Variants in PLXDC2 observed in about 807,000 individuals in gnomAD.
The protein encoded by PLXDC2 is plexin domain-containing protein 2.
In PLXDC2, 40 loss-of-function variants were observed where a neutral mutation model predicts 68.9. The ratio of observed to expected loss-of-function variants is 0.58; its 90% CI spans 0.45 to 0.76. The LOEUF (loss-of-function observed/expected upper bound fraction) is 0.76. PLXDC2 is among the 30% of genes least tolerant of loss of function. The pLI, the probability that PLXDC2 is intolerant of heterozygous loss-of-function variation, is 0.00. For missense variants in PLXDC2, 644 were observed against 661.9 expected (o/e 0.97, Z 0.30); for synonymous variants, 243 against 234.2 (o/e 1.04, Z -0.34).
chr10:20,117,046 A>G (rs547025024), intron 4 of PLXDC2, among the ~76,000 whole-genome samples: 2,598 of 108,638 alleles, frequency 0.024, 74 homozygotes, highest in African/African-American at 0.093. Context: ...AAATCCCTTA[A>G]AAATGAAAAA....
chr10:19,971,725 T>C (rs1447563415), intron 1 of PLXDC2, among the ~76,000 whole-genome samples: 1 of 152,204 alleles, frequency 6.6e-6, no homozygotes, highest in Non-Finnish European at 1.5e-5. Context: ...AAACATTTAT[T>C]AAACTCCTTT....
chr10:19,929,595 A>T (rs1564631423), intron 1 of PLXDC2, among the ~76,000 whole-genome samples: 1 of 152,174 alleles, frequency 6.6e-6, no homozygotes, highest in Non-Finnish European at 1.5e-5. Context: ...CTATTTGTAC[A>T]CGTGCCAACA....
intron 4 of PLXDC2, among the ~76,000 whole-genome samples, chr10:20,130,956 C>T (rs892739995): frequency 3.3e-5 from 5 of 152,046 alleles, no homozygotes; most frequent in South Asian, 2.1e-4. Flanking sequence ...GTAACGTTTT[C>T]GTCTGACTTT....
chr10:19,865,526 C>T (rs1419807384), intron 1 of PLXDC2, among the ~76,000 whole-genome samples: 1 of 152,066 alleles, frequency 6.6e-6, no homozygotes, highest in Admixed American at 6.6e-5. Flanking sequence ...TATGTCTTTC[C>T]TACGTCATTA....
intron 6 of PLXDC2, among the ~76,000 whole-genome samples, chr10:20,158,386 A>G (rs1017071041): frequency 2.7e-5 from 4 of 148,870 alleles, no homozygotes; most frequent in African/African-American, 9.8e-5. Flanking sequence ...CTAAATAGCT[A>G]TACTTCTAAA....
At chr10:20,183,494 AG>A (rs1834635221) in intron 9 of PLXDC2, among the ~76,000 whole-genome samples, 1 of 152,002 alleles carries the variant, frequency 6.6e-6, no homozygotes, top group East Asian at 1.9e-4. Context: ...ACAAGTGAAG[AG>A]GGAGAGACAT....
At chr10:20,056,233 T>C (rs954299665) in intron 3 of PLXDC2, among the ~76,000 whole-genome samples, 1 of 152,232 alleles carries the variant, frequency 6.6e-6, no homozygotes, top group Non-Finnish European at 1.5e-5. Flanking sequence ...TGAATTATAC[T>C]TAGGTCACTT....
chr10:20,089,237 T>A (rs1008949578), intron 4 of PLXDC2, among the ~76,000 whole-genome samples: 30 of 151,360 alleles, frequency 2.0e-4, no homozygotes, highest in African/African-American at 7.3e-4. Context: ...GTAGAGATGT[T>A]AGCAAAGGCT....
intron 6 of PLXDC2, among the ~76,000 whole-genome samples, chr10:20,148,448 G>A (rs746475462): frequency 2.1e-4 from 32 of 151,916 alleles, no homozygotes; most frequent in African/African-American, 6.8e-4. Flanking sequence ...CTAAGTGACA[G>A]AAAAAACAAG....
chr10:20,083,481 A>AG (rs1836615066), intron 4 of PLXDC2, among the ~76,000 whole-genome samples: 1 of 151,806 alleles, frequency 6.6e-6, no homozygotes, highest in African/African-American at 2.4e-5. Context: ...CGTCTCAAAA[A>AG]AAAAAAAAAA....
chr10:20,217,674 T>C, intron 11 of PLXDC2, 98 bp downstream of exon 11: 3 of 1,345,538 alleles, frequency 2.2e-6, no homozygotes, highest in Non-Finnish European at 2.9e-6. Context: ...GAATAGCTCC[T>C]ACTCTCTAGG....
At position 20,143,265 on chromosome 10, in the gene PLXDC2, T is replaced by C. The variant is rs368962360; in HGVS notation, c.542-30T>C. The stretch of plus-strand genomic sequence containing the variant: ...ATAATTTTATATGGGCTTCTTTTTC[T>C]GAATATGTTTCCTATTTTTCTAATT... On this transcript the variant is annotated intron_variant, in intron 4 of 13. Coordinates refer to ENST00000377252, the MANE Select transcript of PLXDC2 (RefSeq NM_032812.9). The C allele has an allele frequency of 3.2e-5, 51 of 1,580,388 alleles. 1 individual carries two copies. In the Admixed American group the frequency reaches 8.9e-4, roughly 28 times the overall value.
intron 7 of PLXDC2, among the ~76,000 whole-genome samples, chr10:20,176,051 G>A (rs1418083726): frequency 6.6e-6 from 1 of 152,036 alleles, no homozygotes; most frequent in Non-Finnish European, 1.5e-5. Flanking sequence ...GTTAAAATAT[G>A]TTTGCTTATA....
intron 4 of PLXDC2, among the ~76,000 whole-genome samples, chr10:20,108,191 T>C (rs1833515785): frequency 1.3e-5 from 2 of 152,198 alleles, no homozygotes; most frequent in Admixed American, 6.5e-5. Flanking sequence ...CTTGATCCTT[T>C]GGCTCAACTC....
At chr10:19,901,535 T>A (rs1238909063) in intron 1 of PLXDC2, among the ~76,000 whole-genome samples, 1 of 152,190 alleles carries the variant, frequency 6.6e-6, no homozygotes, top group Non-Finnish European at 1.5e-5. Flanking sequence ...TTTGTTTTTT[T>A]CTTGCTGATT....
At chr10:20,267,294 GA>G (rs1475965491) in intron 13 of PLXDC2, among the ~76,000 whole-genome samples, 3 of 152,142 alleles carry the variant, frequency 2.0e-5, no homozygotes, top group Non-Finnish European at 4.4e-5. Flanking sequence ...ACTAAGTAGA[GA>G]ATCAGTATCT....
At chr10:19,851,492 A>T (rs781024708) in intron 1 of PLXDC2, among the ~76,000 whole-genome samples, 10 of 152,150 alleles carry the variant, frequency 6.6e-5, no homozygotes, top group Non-Finnish European at 1.2e-4. Context: ...CATATGACCA[A>T]TCAAGAGAGC....
intron 7 of PLXDC2, among the ~76,000 whole-genome samples, chr10:20,170,519 G>A (rs1031469454): frequency 1.3e-5 from 2 of 152,148 alleles, no homozygotes; most frequent in African/African-American, 4.8e-5. Context: ...ATTACTTTTA[G>A]ACAGTGAATA....
intron 1 of PLXDC2, among the ~76,000 whole-genome samples, chr10:19,947,513 C>CA (rs1395651871): frequency 6.6e-6 from 1 of 152,124 alleles, no homozygotes; most frequent in Non-Finnish European, 1.5e-5. Flanking sequence ...TTCCTTTCTC[C>CA]AAAAACATCT....
Sources: gnomAD v4.1 joint callset for allele counts (sites outside exome capture counted in the v4.1 genomes callset) on GRCh38, gnomAD v4.1.1 for gene constraint, MANE v1.5 for transcripts, NCBI Gene and HGNC (gene_info 2026-07-23, HGNC 2026-07-21) for gene names.